The following XKR6 variants were observed in gnomAD, a reference collection of about 807,000 sequenced individuals.
XKR6 encodes the protein XK-related protein 6.
A neutral mutation model predicts 56.7 loss-of-function variants in XKR6; 22 were observed. The ratio of observed to expected loss-of-function variants is 0.39; its 90% CI spans 0.28 to 0.55. XKR6 has a LOEUF of 0.55. XKR6 is among the 20% of genes least tolerant of loss of function. XKR6 has a pLI of 0.66. For missense variants in XKR6, 852 were observed against 889.0 expected, an observed-to-expected ratio of 0.96 and a Z score of 0.53; for synonymous variants, 524 against 387.8, an observed-to-expected ratio of 1.35 and a Z score of -4.13.
At chr8:11,015,851 C>A (rs1277334557) in intron 1 of XKR6, among the ~76,000 whole-genome samples, 1 of 152,154 alleles carries the variant, frequency 6.6e-6, no homozygotes, top group Non-Finnish European at 1.5e-5. Flanking sequence ...GACGCTGAGG[C>A]TCGCCGGGGA....
At chr8:11,034,156 T>C (rs1799079631) in intron 1 of XKR6, among the ~76,000 whole-genome samples, 1 of 151,758 alleles carries the variant, frequency 6.6e-6, no homozygotes, top group African/African-American at 2.4e-5. Context: ...GATAAAAGAA[T>C]AATGGGGAAT....
rs147357347 is a variant in XKR6 at position 10,923,418 on chromosome 8, G to C, written c.961+1216C>G. Among the ~76,000 whole-genome samples the C allele has an allele frequency of 2.4e-4, 36 of 152,302 alleles. No homozygotes were observed. The East Asian group carries it at 7.0e-3, about 29-fold the overall frequency. On this transcript the variant is annotated intron_variant, in intron 2 of 2. Coordinates refer to ENST00000416569, the MANE Select transcript of XKR6 (RefSeq NM_173683.4). ...GGACATGAGGCTTCACCTGAGCCGAGTTTGTATAGGACAGGCGAGCCTGTC... is the reference window on the plus strand; with the variant it reads ...GGACATGAGGCTTCACCTGAGCCGACTTTGTATAGGACAGGCGAGCCTGTC...
chr8:10,951,496 C>G (rs1056249914), intron 1 of XKR6, among the ~76,000 whole-genome samples: 1 of 152,176 alleles, frequency 6.6e-6, no homozygotes, highest in African/African-American at 2.4e-5. Flanking sequence ...GGTTTTAGTC[C>G]CAAACAGCAG....
intron 1 of XKR6, among the ~76,000 whole-genome samples, chr8:11,102,542 C>A (rs1421996041): frequency 1.3e-5 from 2 of 152,120 alleles, no homozygotes; most frequent in Non-Finnish European, 2.9e-5. Flanking sequence ...AGGGGACAAA[C>A]ACCAATTGTT....
intron 1 of XKR6, among the ~76,000 whole-genome samples, chr8:11,185,443 T>G (rs1803221717): frequency 6.6e-6 from 1 of 152,220 alleles, no homozygotes; most frequent in African/African-American, 2.4e-5. Context: ...AAATTGCAGT[T>G]TCTAAGAACT....
At chr8:11,150,185 G>A (rs1801203826) in intron 1 of XKR6, among the ~76,000 whole-genome samples, 1 of 152,126 alleles carries the variant, frequency 6.6e-6, no homozygotes, top group Non-Finnish European at 1.5e-5. Context: ...AGGGACTATA[G>A]TTAACAACAA....
chr8:10,945,638 C>A (rs1191956148), intron 1 of XKR6, among the ~76,000 whole-genome samples: 1 of 152,206 alleles, frequency 6.6e-6, no homozygotes, highest in Non-Finnish European at 1.5e-5. Context: ...TGATATGAGG[C>A]ACACGACCTG....
At chr8:11,044,171 C>A (rs1341816306) in intron 1 of XKR6, among the ~76,000 whole-genome samples, 1 of 152,238 alleles carries the variant, frequency 6.6e-6, no homozygotes, top group Non-Finnish European at 1.5e-5. Context: ...TTTACAGAGG[C>A]TGAGCACTGA....
At chr8:11,187,364 C>T (rs1219338608) in intron 1 of XKR6, among the ~76,000 whole-genome samples, 2 of 152,126 alleles carry the variant, frequency 1.3e-5, no homozygotes, top group African/African-American at 4.8e-5. Flanking sequence ...CAAGAACTTC[C>T]CAATGCAACT....
At chr8:11,182,240 G>A (rs1178653947) in intron 1 of XKR6, among the ~76,000 whole-genome samples, 1 of 152,212 alleles carries the variant, frequency 6.6e-6, no homozygotes. Context: ...TGAGCCCCAT[G>A]ACCACAGGTG....
At chr8:11,108,503 A>G (rs954999400) in intron 1 of XKR6, 3 of 376,222 alleles carry the variant, frequency 8.0e-6, no homozygotes, top group African/African-American at 6.3e-5. Flanking sequence ...CTTATGAAAT[A>G]AACCCACTAA....
At chr8:10,992,658 C>G (rs991832391) in intron 1 of XKR6, among the ~76,000 whole-genome samples, 2 of 148,308 alleles carry the variant, frequency 1.3e-5, no homozygotes, top group African/African-American at 5.1e-5. Context: ...AGAGCAGATC[C>G]CCCTCTCACC....
chr8:11,090,916 C>G (rs1032482638), intron 1 of XKR6, among the ~76,000 whole-genome samples: 1 of 152,106 alleles, frequency 6.6e-6, no homozygotes, highest in African/African-American at 2.4e-5. Context: ...TGCAATCACC[C>G]CATTTGATAG....
At chr8:11,005,254 A>G (rs7838833) in intron 1 of XKR6, among the ~76,000 whole-genome samples, 72,374 of 151,854 alleles carry the variant, frequency 0.48, 22,077 homozygotes, top group African/African-American at 0.86. Context: ...CAAAACTCAT[A>G]TATTGTTTAT....
intron 1 of XKR6, among the ~76,000 whole-genome samples, chr8:11,071,073 C>G (rs1800101961): frequency 6.6e-6 from 1 of 152,194 alleles, no homozygotes; most frequent in African/African-American, 2.4e-5. Flanking sequence ...TTCACTGGAA[C>G]AGGGTCGTGA....
At chr8:11,089,540 G>C (rs12156117) in intron 1 of XKR6, among the ~76,000 whole-genome samples, 46,441 of 152,100 alleles carry the variant, frequency 0.31, 7,681 homozygotes, top group African/African-American at 0.39. Context: ...GGGAGGTTGA[G>C]GCAGGAGGAT....
intron 1 of XKR6, among the ~76,000 whole-genome samples, chr8:11,097,462 G>A (rs994656244): frequency 2.1e-5 from 3 of 140,360 alleles, no homozygotes; most frequent in African/African-American, 2.7e-5. Flanking sequence ...AACACACAGG[G>A]CAATATTTTC....
chr8:10,996,736 G>A lies in XKR6; in HGVS notation c.765-71906C>T, dbSNP rs375919987. On this transcript the variant is annotated intron_variant, in intron 1 of 2. Coordinates refer to ENST00000416569, the MANE Select transcript of XKR6 (RefSeq NM_173683.4). ...ACACTAACAAGAAAAGTCTGGGCTC[G>A]GCATGGTGGTTCATGCCTGTAATCC... 9.1e-4 allele frequency among the ~76,000 whole-genome samples: 139 copies of A among 152,244 alleles called. 1 individual carries two copies. Among genetic ancestry groups the A allele is most frequent in the African/African-American group, 3.3e-3 (136 of 41,534 alleles).
rs77467126 is a variant in XKR6 at position 11,183,478 on chromosome 8, GT to G, written c.764+17097del. On this transcript the variant is annotated intron_variant, in intron 1 of 2. Coordinates refer to ENST00000416569, the MANE Select transcript of XKR6 (RefSeq NM_173683.4). ...AGGCATGCGCCACCACACCTGTCTAGTTTTTTTTTTTTTTTAACTTTTTGAA... is the reference window on the plus strand; with the variant it reads ...AGGCATGCGCCACCACACCTGTCTAGTTTTTTTTTTTTTTAACTTTTTGAA... 6.6e-3 allele frequency among the ~76,000 whole-genome samples: 935 copies of G among 141,104 alleles called. 2 individuals are homozygous for G. Among genetic ancestry groups the G allele is most frequent in the African/African-American group, 0.017 (656 of 38,782 alleles). 92.6% of individuals were successfully genotyped at this position (141,104 alleles called of 152,430 possible).
Sources: gnomAD v4.1 joint callset for allele counts (sites outside exome capture counted in the v4.1 genomes callset) on GRCh38, gnomAD v4.1.1 for gene constraint, MANE v1.5 for transcripts, NCBI Gene and HGNC (gene_info 2026-07-23, HGNC 2026-07-21) for gene names.